The following RBFOX1 variants were observed in gnomAD, a reference collection of about 807,000 sequenced individuals.
The protein encoded by RBFOX1 is RNA binding fox-1 homolog 1.
In RBFOX1, 8 loss-of-function variants were observed where a neutral mutation model predicts 57.7. The observed-to-expected ratio is 0.14, with a 90% CI of 0.08 to 0.25. The LOEUF (loss-of-function observed/expected upper bound fraction) is 0.25. Among genes scored for constraint, RBFOX1 ranks in the 10% least tolerant of loss-of-function variants. The pLI is 1.00. For synonymous variants in RBFOX1, 326 were observed against 222.4 expected (o/e 1.47, Z -4.15); for missense variants, 611 against 548.5 (o/e 1.11, Z -1.14).
At chr16:5,671,748 A>G (rs539540265) in intron 3 of RBFOX1, among the ~76,000 whole-genome samples, 9 of 152,328 alleles carry the variant, frequency 5.9e-5, no homozygotes, top group Non-Finnish European at 8.8e-5. Flanking sequence ...TTGCTAATTC[A>G]GAGCTGCCCA....
intron 1 of RBFOX1, among the ~76,000 whole-genome samples, chr16:5,342,487 C>T (rs2065053491): frequency 6.6e-6 from 1 of 152,130 alleles, no homozygotes; most frequent in South Asian, 2.1e-4. Flanking sequence ...CTCCATGGAC[C>T]TTAGTAAAAT....
intron 3 of RBFOX1, among the ~76,000 whole-genome samples, chr16:6,865,496 T>A (rs1014623106): frequency 6.6e-6 from 1 of 152,200 alleles, no homozygotes; most frequent in Non-Finnish European, 1.5e-5. Context: ...TTTTTAACAT[T>A]TATTTAACAC....
intron 4 of RBFOX1, among the ~76,000 whole-genome samples, chr16:7,428,712 C>T (rs1046821842): frequency 5.9e-5 from 9 of 151,736 alleles, no homozygotes; most frequent in Non-Finnish European, 1.2e-4. Context: ...ACATTGGAGT[C>T]AGACAGCTTA....
chr16:6,291,291 G>A (rs1971033), intron 1 of RBFOX1, among the ~76,000 whole-genome samples: 3,134 of 152,162 alleles, frequency 0.021, 118 homozygotes, highest in African/African-American at 0.071. Context: ...ATTTTACTCC[G>A]CTGCTATTCA....
intron 3 of RBFOX1, among the ~76,000 whole-genome samples, chr16:6,842,778 C>G (rs2093553460): frequency 6.6e-6 from 1 of 151,758 alleles, no homozygotes; most frequent in South Asian, 2.1e-4. Flanking sequence ...AGGTTTTAAG[C>G]CCGGCATGCA....
At chr16:6,175,521 A>G (rs530273892) in intron 1 of RBFOX1, among the ~76,000 whole-genome samples, 129 of 152,074 alleles carry the variant, frequency 8.5e-4, no homozygotes, top group Middle Eastern at 3.4e-3. Flanking sequence ...TGGGGGCGAG[A>G]GGATGGGCTT....
chr16:6,019,528 TG>T lies in RBFOX1; in HGVS notation c.-590del, dbSNP rs2095027461. ...CACCCGCGGTGGGGCGGGGGCGCTC[TG>T]CCAGCCCCGGGAACAGCAGAGGCGG... On this transcript the variant is annotated 5_prime_UTR_variant, in exon 1 of 16. Transcript: ENST00000550418. This position sits in a 1 kb window ranked among gnomAD's most constrained non-coding sequence, Gnocchi z 4.2. 1 of 1,067,722 alleles carries T rather than the reference TG, an allele frequency of 9.4e-7. No individual in the cohort carries two copies. The highest frequency in any genetic ancestry group is 1.1e-6 in the Non-Finnish European group (1 of 883,346). The allele number at this position is 1,067,722 out of a possible 1,614,324, so 66.1% of individuals were successfully genotyped here. A position where few individuals can be genotyped will look rare whatever the true frequency, so the allele number is the denominator to read the frequency against.
At chr16:6,989,925 C>T (rs2091130514) in intron 3 of RBFOX1, among the ~76,000 whole-genome samples, 1 of 152,096 alleles carries the variant, frequency 6.6e-6, no homozygotes, top group South Asian at 2.1e-4. Flanking sequence ...TGCTTGAATT[C>T]AGGAGGCAGA....
chr16:5,815,223 A>G (rs907528378), intron 3 of RBFOX1, among the ~76,000 whole-genome samples: 15 of 137,886 alleles, frequency 1.1e-4, no homozygotes, highest in Non-Finnish European at 2.0e-4. Flanking sequence ...CAAACTCCTG[A>G]GCTCAAGTAA....
chr16:6,410,352 G>C (rs2093420162), intron 2 of RBFOX1, among the ~76,000 whole-genome samples: 1 of 136,638 alleles, frequency 7.3e-6, no homozygotes, highest in African/African-American at 2.9e-5. Context: ...CTGTTGCCCA[G>C]GCTGGAGGGA....
chr16:6,016,609 A>G (rs1193290325), upstream of RBFOX1, among the ~76,000 whole-genome samples: 2 of 152,222 alleles, frequency 1.3e-5, no homozygotes, highest in Non-Finnish European at 2.9e-5. Context: ...TGTTCTTTTT[A>G]AACCAGCTTT....
intron 12 of RBFOX1, among the ~76,000 whole-genome samples, chr16:7,656,572 C>T (rs900591725): frequency 6.6e-6 from 1 of 152,084 alleles, no homozygotes. Flanking sequence ...TTCAGGTGGT[C>T]CAGAGAGCAG....
At chr16:6,841,059 C>T (rs763262325) in intron 3 of RBFOX1, among the ~76,000 whole-genome samples, 13 of 152,072 alleles carry the variant, frequency 8.5e-5, no homozygotes, top group Non-Finnish European at 1.8e-4. Flanking sequence ...TTTGTGCAAG[C>T]CACCTGTTTG....
chr16:5,769,004 T>C (rs1332216072), intron 3 of RBFOX1, among the ~76,000 whole-genome samples: 1 of 151,876 alleles, frequency 6.6e-6, no homozygotes, highest in African/African-American at 2.4e-5. Context: ...GGAGCACCAT[T>C]AGTGAGTGTC....
chr16:5,557,578 C>T (rs1822571342), intron 2 of RBFOX1, among the ~76,000 whole-genome samples: 2 of 152,154 alleles, frequency 1.3e-5, no homozygotes, highest in Admixed American at 1.3e-4. Flanking sequence ...AAAACCAAAG[C>T]ATGAGAAGGA....
chr16:7,653,910 G>T lies in RBFOX1; in HGVS notation c.853G>T (p.Ala285Ser), dbSNP rs544967209. The T allele has an allele frequency of 3.8e-6, 6 of 1,577,778 alleles. No individual in the cohort carries two copies. Among genetic ancestry groups the T allele is most frequent in the Non-Finnish European group, 5.1e-6 (6 of 1,167,912 alleles). ...RGRTVYNTFR[A>S]AAPPPPIPAY... ...TCGCACCGTGTACAACACCTTCAGG[G>T]CCGCGGCGCCCCCGCCCCCGATCCC... Residue 285 changes from alanine to serine, a missense_variant, in exon 12 of 16, where the codon GCC becomes TCC. Physicochemically the swap from Ala to Ser is moderately conservative, Grantham distance 99 (BLOSUM62 1). Transcript: ENST00000550418.
intron 4 of RBFOX1, among the ~76,000 whole-genome samples, chr16:7,191,407 C>T (rs1009532049): frequency 2.8e-4 from 42 of 151,620 alleles, no homozygotes; most frequent in African/African-American, 8.7e-4. Context: ...TGACAAATGG[C>T]GCCTCATGTT....
At chr16:7,063,623 C>G (rs959056450) in intron 4 of RBFOX1, among the ~76,000 whole-genome samples, 2 of 152,154 alleles carry the variant, frequency 1.3e-5, no homozygotes, top group Non-Finnish European at 1.5e-5. Flanking sequence ...TCAGCCTTAT[C>G]CTAGGAATGC....
At chr16:6,851,400 A>G (rs2141981258) in intron 3 of RBFOX1, among the ~76,000 whole-genome samples, 1 of 152,268 alleles carries the variant, frequency 6.6e-6, no homozygotes, top group South Asian at 2.1e-4. Context: ...ATAAGAGTAG[A>G]GGTCATGGGC....
Sources: gnomAD v4.1 joint callset for allele counts (sites outside exome capture counted in the v4.1 genomes callset) on GRCh38, gnomAD v4.1.1 for gene constraint, Gnocchi (gnomAD v3.1) non-coding constraint, MANE v1.5 for transcripts, NCBI Gene and HGNC (gene_info 2026-07-23, HGNC 2026-07-21) for gene names.